ZNF664: variants seen among roughly 807,000 people sequenced by gnomAD.
ZNF664 encodes the protein zinc finger protein 664.
A neutral mutation model predicts 18.2 loss-of-function variants in ZNF664; 10 were observed. That is an observed-to-expected ratio of 0.55 (90% CI 0.34 to 0.93). The LOEUF is 0.93. Ranked by LOEUF, ZNF664 falls within the 40% of genes least tolerant of loss-of-function variation. The pLI is 0.02. For synonymous variants in ZNF664, 119 were observed against 104.2 expected, an observed-to-expected ratio of 1.14 and a Z score of -0.86; for missense variants, 193 against 319.0, an observed-to-expected ratio of 0.61 and a Z score of 3.01.
intron 3 of ZNF664, chr12:124,003,410 T>G (rs1275604907): frequency 1.3e-5 from 2 of 152,084 alleles, no homozygotes; most frequent in Non-Finnish European, 2.9e-5. Flanking sequence ...TTTTTTTTTT[T>G]TTTTTGAGAC....
chr12:123,973,539 G>C (rs1246325610), intron 1 of ZNF664, 187 bp downstream of exon 1: 1 of 371,752 alleles, frequency 2.7e-6, no homozygotes, highest in East Asian at 1.7e-4. Flanking sequence ...CAGCCTGGCG[G>C]GTCCCGGGCT....
intron 2 of ZNF664, among the ~76,000 whole-genome samples, chr12:123,980,470 T>C (rs1042381013): frequency 7.2e-5 from 11 of 152,186 alleles, no homozygotes; most frequent in African/African-American, 2.4e-5. Flanking sequence ...CAAAAGAATA[T>C]TTTTAAATAC....
intron 3 of ZNF664, chr12:124,006,163 C>CA (rs1957071400): frequency 6.6e-6 from 1 of 152,272 alleles, no homozygotes; most frequent in African/African-American, 2.4e-5. Flanking sequence ...GAATATAATC[C>CA]AGTTCATAGT....
In ZNF664 at chr12:123,994,308, AAGTTT is replaced by A. The variant is rs904662027; in HGVS notation, c.-661+6172_-661+6176del. Reference sequence around the variant, plus strand: ...ATTTTTAAGGACTCCAGAGAACTTTAAGTTTATGTGGGTTGCAGGCTTTGGTACTT... The same window carrying A: ...ATTTTTAAGGACTCCAGAGAACTTTAATGTGGGTTGCAGGCTTTGGTACTT... On this transcript the variant is annotated intron_variant, in intron 3 of 4. Coordinates refer to ENST00000337815, the MANE Select transcript of ZNF664 (RefSeq NM_152437.3). 3.9e-5 allele frequency among the ~76,000 whole-genome samples: 6 copies of A among 152,296 alleles called. No homozygotes were observed. The South Asian group carries it at 1.0e-3, about 26-fold the overall frequency.
chr12:123,991,397 A>G (rs928635405), intron 3 of ZNF664, among the ~76,000 whole-genome samples: 2 of 152,228 alleles, frequency 1.3e-5, no homozygotes, highest in Non-Finnish European at 2.9e-5. Flanking sequence ...ACACATAGGT[A>G]TAAAGGCAGG....
Position 124,012,021 on chromosome 12 carries a change from A to G in ZNF664, c.-124A>G. 1 of 1,452,020 alleles carries G rather than the reference A, an allele frequency of 6.9e-7. No homozygotes were observed. Among genetic ancestry groups the G allele is most frequent in the Non-Finnish European group, 9.0e-7 (1 of 1,111,542 alleles). The allele number at this position is 1,452,020 out of a possible 1,614,324, so 89.9% of individuals were successfully genotyped here. ...CTTAGGCTGACCTTAAACTTACCTA[A>G]TAGAGCAAGCCTGAGATAGACTGCC... On this transcript the variant is annotated 5_prime_UTR_variant, in exon 5 of 5. Coordinates refer to ENST00000337815, the MANE Select transcript of ZNF664 (RefSeq NM_152437.3).
rs572393150 is a variant in ZNF664, at chr12:123,987,932, A to G, written c.-756-111A>G. The G allele has an allele frequency of 1.2e-5, 15 of 1,222,118 alleles. No individual in the cohort carries two copies. The South Asian group carries it at 2.5e-4, about 21-fold the overall frequency. The allele number at this position is 1,222,118 out of a possible 1,614,324, so 75.7% of individuals were successfully genotyped here. On this transcript the variant is annotated intron_variant, in intron 2 of 4. Transcript: ENST00000337815. ...TCCCAGATGTAAATAGGTCTGTCCT[A>G]TCTTCTGAGCTGGGACCCCACGTTT... is the stretch of plus-strand genomic sequence containing the variant.
intron 2 of ZNF664, among the ~76,000 whole-genome samples, chr12:123,975,019 C>T (rs1175952493): frequency 6.6e-6 from 1 of 152,168 alleles, no homozygotes; most frequent in Non-Finnish European, 1.5e-5. Flanking sequence ...GCAGCCACCC[C>T]TCCCCTATGG....
At position 124,013,754 on chromosome 12, in the gene ZNF664, C is replaced by T. The variant is rs1032720749; in HGVS notation, c.*824C>T. 8 of 167,112 alleles carry T rather than the reference C, an allele frequency of 4.8e-5. No homozygotes were observed. The highest frequency in any genetic ancestry group is 1.7e-4 in the African/African-American group (7 of 41,450). The allele number at this position is 167,112 out of a possible 1,614,324, so 10.4% of individuals were successfully genotyped here. A position where few individuals can be genotyped will look rare whatever the true frequency, so the allele number is the denominator to read the frequency against. On this transcript the variant is annotated 3_prime_UTR_variant, in exon 5 of 5. Coordinates refer to ENST00000337815, the MANE Select transcript of ZNF664 (RefSeq NM_152437.3). ...GAGCTTTTCTTCATCCAGAATTGCC[C>T]TCTGGGCTCCTTTGGTAACAGATGG...
At position 124,012,816 on chromosome 12, in the gene ZNF664, G is replaced by T. The variant is rs772858315; in HGVS notation, c.672G>T (p.Glu224Asp). The T allele has an allele frequency of 1.2e-6, 2 of 1,613,870 alleles. No individual in the cohort carries two copies. The highest frequency in any genetic ancestry group is 1.7e-6 in the Non-Finnish European group (2 of 1,179,818). Residue 224 changes from glutamate (E) to aspartate (D), a missense_variant, in exon 5 of 5, where the codon GAG becomes GAT. Physicochemically the swap from Glu to Asp is conservative, Grantham distance 45. Coordinates refer to ENST00000337815, the MANE Select transcript of ZNF664 (RefSeq NM_152437.3). Reference protein sequence around the residue: ...LCIHQRVHTGEKPFKCDECGK... With the variant: ...LCIHQRVHTGDKPFKCDECGK... ...TCCACCAGAGAGTCCACACAGGAGA[G>T]AAACCTTTCAAATGTGATGAGTGCG...
chr12:124,009,012 A>AG (rs1174986787), intron 3 of ZNF664, among the ~76,000 whole-genome samples: 1 of 152,226 alleles, frequency 6.6e-6, no homozygotes, highest in African/African-American at 2.4e-5. Context: ...ATAACTAAAA[A>AG]GAAAAAAAAG....
intron 2 of ZNF664, among the ~76,000 whole-genome samples, chr12:123,976,217 C>T (rs1355306166): frequency 6.6e-6 from 1 of 152,034 alleles, no homozygotes; most frequent in Non-Finnish European, 1.5e-5. Flanking sequence ...GAAGCACCTG[C>T]TATGAGGGAG....
At position 123,973,339 on chromosome 12, in the gene ZNF664, T is replaced by A; in HGVS notation, c.-905T>A. 1 of 920,758 alleles carries A rather than the reference T, an allele frequency of 1.1e-6. No homozygotes were observed. Among genetic ancestry groups the A allele is most frequent in the Non-Finnish European group, 1.3e-6 (1 of 781,338 alleles). 57.0% of individuals were successfully genotyped at this position (920,758 alleles called of 1,614,324 possible). On this transcript the variant is annotated 5_prime_UTR_variant, in exon 1 of 5. Coordinates refer to ENST00000337815, the MANE Select transcript of ZNF664 (RefSeq NM_152437.3). ...GGCGCCCGCGGCCTGGGGCGCTGAC[T>A]CCCCTCACTTGGAGTGAGTTCTCGG...
At chr12:124,004,273 C>T (rs989565956) in intron 3 of ZNF664, among the ~76,000 whole-genome samples, 5 of 152,100 alleles carry the variant, frequency 3.3e-5, no homozygotes, top group African/African-American at 4.8e-5. Context: ...CCCAAGCCAG[C>T]ATGGAAGCCA....
chr12:124,005,759 T>G (rs1369076505), intron 3 of ZNF664: 1 of 152,588 alleles, frequency 6.6e-6, no homozygotes, highest in Non-Finnish European at 1.5e-5. Flanking sequence ...TACAACAAGC[T>G]GTCTCCATGC....
intron 3 of ZNF664, among the ~76,000 whole-genome samples, chr12:123,995,076 C>G (rs1481050843): frequency 6.6e-6 from 1 of 152,156 alleles, no homozygotes; most frequent in African/African-American, 2.4e-5. Context: ...ATTACAAGCC[C>G]ATTTTACAGA....
In ZNF664 at chr12:124,013,108, C is replaced by T; in HGVS notation, c.*178C>T. 2 of 914,304 alleles carry T rather than the reference C, an allele frequency of 2.2e-6. No homozygotes were observed. Among genetic ancestry groups the T allele is most frequent in the Non-Finnish European group, 3.2e-6 (2 of 616,468 alleles). The allele number at this position is 914,304 out of a possible 1,614,324, so 56.6% of individuals were successfully genotyped here. The stretch of plus-strand genomic sequence containing the variant: ...ATGCCAAGTGTGTTCCACAGGTTGA[C>T]TTTGAATGTGGACCTCTGAGCATCC... On this transcript the variant is annotated 3_prime_UTR_variant, in exon 5 of 5. Transcript: ENST00000337815.
chr12:123,985,190 C>T, intron 2 of ZNF664, among the ~76,000 whole-genome samples: 1 of 152,138 alleles, frequency 6.6e-6, no homozygotes, highest in Non-Finnish European at 1.5e-5. Context: ...GAACACATGT[C>T]ACTTATCTGT....
At chr12:124,010,806 G>A (rs769520688) in intron 3 of ZNF664, among the ~76,000 whole-genome samples, 5 of 152,110 alleles carry the variant, frequency 3.3e-5, no homozygotes, top group Non-Finnish European at 7.4e-5. Context: ...GAGTCTAGCC[G>A]GGGGGCCTCT....
Sources: gnomAD v4.1 joint callset for allele counts (sites outside exome capture counted in the v4.1 genomes callset) on GRCh38, gnomAD v4.1.1 for gene constraint, MANE v1.5 for transcripts, NCBI Gene and HGNC (gene_info 2026-07-23, HGNC 2026-07-21) for gene names.